TMEM223: variants seen among roughly 807,000 people sequenced by gnomAD.
The protein encoded by TMEM223 is transmembrane protein 223.
Under a neutral mutation model 14.1 loss-of-function variants are expected in TMEM223, and 14 were observed. The ratio of observed to expected loss-of-function variants is 0.99; its 90% CI spans 0.66 to 1.55. The LOEUF (loss-of-function observed/expected upper bound fraction) is 1.55. Among genes scored for constraint, TMEM223 ranks in the 40% most tolerant of loss-of-function variants. The pLI, the probability that TMEM223 is intolerant of heterozygous loss-of-function variation, is 0.00. For missense variants in TMEM223, 346 were observed against 269.9 expected, an observed-to-expected ratio of 1.28 and a Z score of -1.97; for synonymous variants, 145 against 120.5, an observed-to-expected ratio of 1.20 and a Z score of -1.33.
At chr11:62,786,951 CG>C, downstream of TMEM223, 1 of 1,452,190 alleles carries the variant, frequency 6.9e-7, no homozygotes, top group Admixed American at 2.7e-5. Flanking sequence ...GCGGCGGAGG[CG>C]GCCCCGCGTC....
At chr11:62,785,001 TTTTTC>T (rs1302621830), downstream of TMEM223, among the ~76,000 whole-genome samples, 8 of 152,110 alleles carry the variant, frequency 5.3e-5, no homozygotes, top group African/African-American at 1.7e-4. Flanking sequence ...TTAGATCATC[TTTTTC>T]TTTTCTTTTT....
intron 1 of TMEM223, chr11:62,776,534 G>T: frequency 1.3e-6 from 2 of 1,525,498 alleles, no homozygotes; most frequent in South Asian, 2.2e-5. Flanking sequence ...TCCAGTTCAG[G>T]GCTGGCGATG....
Position 62,790,282 on chromosome 11 carries a change from G to A in TMEM223, c.*341C>T, listed in dbSNP as rs189318367. The A allele has an allele frequency of 7.1e-6, 4 of 561,650 alleles. No individual in the cohort carries two copies. The highest frequency in any genetic ancestry group is 1.2e-5 in the Non-Finnish European group (4 of 328,060). 34.8% of individuals were successfully genotyped at this position (561,650 alleles called of 1,614,324 possible). On this transcript the variant is annotated 3_prime_UTR_variant, in exon 2 of 2. Coordinates refer to ENST00000307366, the MANE Select transcript of TMEM223 (RefSeq NM_001080501.3). The stretch of plus-strand genomic sequence containing the variant: ...TTTGATGTTAAAGTACAACTAGATA[G>A]GAGGAAGGAGTGAAGGCTAAGCAGA...
At chr11:62,778,407 TG>T (rs1447080254) in intron 1 of TMEM223, 4 of 1,560,166 alleles carry the variant, frequency 2.6e-6, no homozygotes, top group Non-Finnish European at 3.5e-6. Flanking sequence ...GGTGCCTATG[TG>T]CCCCCGAGTC....
At chr11:62,784,687 T>G (rs900289875), downstream of TMEM223, among the ~76,000 whole-genome samples, 1 of 152,218 alleles carries the variant, frequency 6.6e-6, no homozygotes, top group African/African-American at 2.4e-5. Context: ...TCCGAAGGCT[T>G]TTCAGCTTTT....
At chr11:62,772,934 G>A (rs1359278759) in intron 2 of TMEM223, among the ~76,000 whole-genome samples, 1 of 151,610 alleles carries the variant, frequency 6.6e-6, no homozygotes, top group Non-Finnish European at 1.5e-5. Context: ...CTGGAGTGCA[G>A]TGGTGCAATC....
At position 62,790,417 on chromosome 11, in the gene TMEM223, A is replaced by C; in HGVS notation, c.*206T>G. 1.7e-6 allele frequency: 1 copy of C among 587,054 alleles called. No homozygotes were observed. The highest frequency in any genetic ancestry group is 2.9e-6 in the Non-Finnish European group (1 of 341,168). 36.4% of individuals were successfully genotyped at this position (587,054 alleles called of 1,614,324 possible). On this transcript the variant is annotated 3_prime_UTR_variant, in exon 2 of 2. Transcript: ENST00000307366. ...CTTGTGTGACCCTGGTTGTTACTCC[A>C]TTCTAAGATTGGCGTTTTTTTTTGT...
chr11:62,783,805 T>A (rs918752425), downstream of TMEM223, among the ~76,000 whole-genome samples: 2 of 151,768 alleles, frequency 1.3e-5, no homozygotes, highest in Non-Finnish European at 2.9e-5. Flanking sequence ...AGTGCTGGGA[T>A]TATAGGCATG....
chr11:62,787,555 G>A (rs184429733), downstream of TMEM223: 2 of 1,522,090 alleles, frequency 1.3e-6, no homozygotes, highest in Non-Finnish European at 1.7e-6. Flanking sequence ...GGTCAGGTAG[G>A]CGGGGGAGCT....
chr11:62,787,046 G>A, downstream of TMEM223: 1 of 1,521,528 alleles, frequency 6.6e-7, no homozygotes, highest in Non-Finnish European at 8.8e-7. Context: ...CAGGGCCCCG[G>A]GACCGGCACC....
At chr11:62,782,588 A>G (rs1355615200), downstream of TMEM223, 14 of 1,505,266 alleles carry the variant, frequency 9.3e-6, no homozygotes, top group East Asian at 3.2e-4. Flanking sequence ...TAACCCCAGC[A>G]CTCCCGAGTG....
chr11:62,772,472 G>A (rs2084155717), intron 2 of TMEM223, among the ~76,000 whole-genome samples: 1 of 150,750 alleles, frequency 6.6e-6, no homozygotes, highest in African/African-American at 2.4e-5. Context: ...GTAGTGAGCC[G>A]AGATCACGCC....
At chr11:62,787,284 C>T (rs778005394), downstream of TMEM223, 6 of 1,545,426 alleles carry the variant, frequency 3.9e-6, no homozygotes, top group East Asian at 2.3e-5. Flanking sequence ...ACTCGCTGTA[C>T]TTGCCGCTCT....
intron 1 of TMEM223, among the ~76,000 whole-genome samples, chr11:62,779,952 C>CTATATATATATATATATA (rs1225374367): frequency 2.0e-5 from 2 of 100,052 alleles, no homozygotes; most frequent in African/African-American, 8.9e-5. Context: ...AGGCGTGAGC[C>CTATATATATATATATATA]TATATATATA....
chr11:62,772,124 T>G (rs992067311), exon 3 of TMEM223: 1 of 456,148 alleles, frequency 2.2e-6, no homozygotes, highest in Non-Finnish European at 4.4e-6. Flanking sequence ...TGAGGTTTGA[T>G]TTCCTTGCCT....
At chr11:62,777,385 G>C (rs2084195377) in intron 1 of TMEM223, among the ~76,000 whole-genome samples, 2 of 152,182 alleles carry the variant, frequency 1.3e-5, no homozygotes, top group South Asian at 4.1e-4. Flanking sequence ...GACCCTGATA[G>C]CAACAGCAGA....
At chr11:62,771,177 T>A (rs983583827), downstream of TMEM223, 3 of 152,240 alleles carry the variant, frequency 2.0e-5, no homozygotes, top group Non-Finnish European at 4.4e-5. Flanking sequence ...AAATAAAATA[T>A]GCTTATTAAA....
At chr11:62,787,613 G>GCT, downstream of TMEM223, 1 of 1,425,534 alleles carries the variant, frequency 7.0e-7, no homozygotes, top group Non-Finnish European at 9.2e-7. Flanking sequence ...GACCGGGCTT[G>GCT]CTGCTGCTCG....
intron 1 of TMEM223, chr11:62,775,706 G>A: frequency 2.6e-6 from 4 of 1,510,654 alleles, no homozygotes; most frequent in Non-Finnish European, 3.5e-6. Flanking sequence ...GGAGGGTGTT[G>A]GATCACACTC....
Sources: gnomAD v4.1 joint callset for allele counts (sites outside exome capture counted in the v4.1 genomes callset) on GRCh38, gnomAD v4.1.1 for gene constraint, MANE v1.5 for transcripts, NCBI Gene and HGNC (gene_info 2026-07-23, HGNC 2026-07-21) for gene names.